Variants in TTBK2 observed in about 807,000 individuals in gnomAD.
The protein encoded by TTBK2 is tau-tubulin kinase 2.
TTBK2 carries 28 observed loss-of-function variants against 110.8 expected under a neutral mutation model. That is an observed-to-expected ratio of 0.25 (90% CI 0.19 to 0.35). TTBK2 has a LOEUF of 0.35. Among genes scored for constraint, TTBK2 ranks in the 10% least tolerant of loss-of-function variants. The probability of loss-of-function intolerance (pLI) is 1.00; values close to 1 mark genes in which losing one functional copy is unlikely to be tolerated. For synonymous variants in TTBK2, 532 were observed against 527.3 expected (o/e 1.01, Z -0.12); for missense variants, 1,369 against 1,500.3 (o/e 0.91, Z 1.45).
At chr15:42,849,030 T>A (rs1449382529) in intron 3 of TTBK2, among the ~76,000 whole-genome samples, 1 of 152,216 alleles carries the variant, frequency 6.6e-6, no homozygotes, top group Non-Finnish European at 1.5e-5. Flanking sequence ...TTTCCTCCTT[T>A]TCAGCCTGTA....
At chr15:42,796,666 T>C (rs972682720) in intron 9 of TTBK2, among the ~76,000 whole-genome samples, 3 of 152,232 alleles carry the variant, frequency 2.0e-5, no homozygotes, top group African/African-American at 7.2e-5. Context: ...TGTATAGTTA[T>C]TTCTGTATTT....
At chr15:42,782,186 C>T (rs538779055) in intron 11 of TTBK2, among the ~76,000 whole-genome samples, 3 of 152,292 alleles carry the variant, frequency 2.0e-5, no homozygotes, top group South Asian at 4.1e-4. Flanking sequence ...ATTCTCCTGC[C>T]TCAGCTTCCC....
chr15:42,852,038 A>C (rs1261574960), intron 3 of TTBK2, among the ~76,000 whole-genome samples: 1 of 151,996 alleles, frequency 6.6e-6, no homozygotes, highest in Non-Finnish European at 1.5e-5. Context: ...TCAAACAAGT[A>C]GTATAGATGT....
intron 7 of TTBK2, among the ~76,000 whole-genome samples, chr15:42,815,962 TA>T (rs1891972596): frequency 9.6e-6 from 1 of 103,650 alleles, no homozygotes; most frequent in Non-Finnish European, 1.8e-5. Context: ...AAAAAAAATA[TA>T]TATATATATA....
At chr15:42,903,279 A>G (rs1236500013) in intron 1 of TTBK2, among the ~76,000 whole-genome samples, 1 of 152,202 alleles carries the variant, frequency 6.6e-6, no homozygotes, top group Non-Finnish European at 1.5e-5. Flanking sequence ...GTGAGGAGGT[A>G]TTGAAAATTA....
intron 13 of TTBK2, among the ~76,000 whole-genome samples, chr15:42,760,726 G>C (rs1210784966): frequency 6.6e-6 from 1 of 152,164 alleles, no homozygotes; most frequent in South Asian, 2.1e-4. Flanking sequence ...TGTATTGGAA[G>C]AATTAATATT....
At chr15:42,802,092 G>A in intron 9 of TTBK2, 1 of 1,451,820 alleles carries the variant, frequency 6.9e-7, no homozygotes, top group African/African-American at 1.4e-5. Flanking sequence ...ACCGTACCTT[G>A]TCTATGAAGG....
intron 6 of TTBK2, among the ~76,000 whole-genome samples, chr15:42,827,711 T>C (rs1423713476): frequency 6.6e-6 from 1 of 152,192 alleles, no homozygotes; most frequent in African/African-American, 2.4e-5. Flanking sequence ...GTGTTCTTAC[T>C]ATAAGACCAC....
At chr15:42,761,209 G>C (rs1039338598) in intron 13 of TTBK2, among the ~76,000 whole-genome samples, 17 of 152,088 alleles carry the variant, frequency 1.1e-4, no homozygotes, top group African/African-American at 3.4e-4. Flanking sequence ...CTAAATGCAA[G>C]GCCTGAAACT....
chr15:42,840,318 C>T, intron 4 of TTBK2, 42 bp downstream of exon 4: 1 of 1,533,360 alleles, frequency 6.5e-7, no homozygotes, highest in Non-Finnish European at 9.0e-7. Flanking sequence ...ATACTTTGAT[C>T]AAAACTGAAG....
chr15:42,838,188 T>C (rs944857498), intron 4 of TTBK2, among the ~76,000 whole-genome samples: 1 of 151,738 alleles, frequency 6.6e-6, no homozygotes, highest in South Asian at 2.1e-4. Context: ...GCCTGGGTGA[T>C]AGAGCGAGAC....
rs1221740966 is a variant in TTBK2, at chr15:42,820,956, C to A, written c.538-3859G>T. ...CCCCCAGCTATTTAGGAGGATGTGG[C>A]AGGAGGACTGCTGAGCCATGGCTGT... On this transcript the variant is annotated intron_variant, in intron 6 of 14. Coordinates refer to ENST00000267890, the MANE Select transcript of TTBK2 (RefSeq NM_173500.4). Among the ~76,000 whole-genome samples the A allele has an allele frequency of 2.0e-5, 3 of 151,908 alleles. No homozygotes were observed. The East Asian group carries it at 5.8e-4, about 29-fold the overall frequency.
chr15:42,755,097 A>G (rs1314928438), intron 13 of TTBK2, among the ~76,000 whole-genome samples: 1 of 152,016 alleles, frequency 6.6e-6, no homozygotes, highest in Non-Finnish European at 1.5e-5. Context: ...TTCTATATGA[A>G]TAAGATTCAA....
chr15:42,869,443 C>T (rs1894523051), intron 3 of TTBK2, among the ~76,000 whole-genome samples: 1 of 146,974 alleles, frequency 6.8e-6, no homozygotes, highest in African/African-American at 2.5e-5. Flanking sequence ...TGAGATACAG[C>T]ATAAGAGATC....
intron 14 of TTBK2, among the ~76,000 whole-genome samples, chr15:42,748,629 T>G (rs1355703736): frequency 6.6e-6 from 1 of 151,848 alleles, no homozygotes; most frequent in Non-Finnish European, 1.5e-5. Flanking sequence ...CCCAGGCTGG[T>G]CTCAAACTCC....
At chr15:42,786,257 T>C (rs940909310) in intron 10 of TTBK2, among the ~76,000 whole-genome samples, 8 of 152,198 alleles carry the variant, frequency 5.3e-5, no homozygotes, top group African/African-American at 1.4e-4. Context: ...AGATTTATTA[T>C]AGAGATAATT....
At chr15:42,803,249 C>T (rs904090813) in intron 9 of TTBK2, among the ~76,000 whole-genome samples, 4 of 152,024 alleles carry the variant, frequency 2.6e-5, no homozygotes, top group East Asian at 3.9e-4. Flanking sequence ...ATCTGTGTAG[C>T]GTGTTATTGT....
chr15:42,898,104 T>C (rs963632277), intron 1 of TTBK2, among the ~76,000 whole-genome samples: 9 of 152,138 alleles, frequency 5.9e-5, no homozygotes, highest in Non-Finnish European at 1.0e-4. Flanking sequence ...GCCAGGGATG[T>C]CGAGGCTAAC....
chr15:42,810,548 A>T, intron 9 of TTBK2, 66 bp downstream of exon 9: 12 of 1,596,476 alleles, frequency 7.5e-6, no homozygotes, highest in Non-Finnish European at 1.0e-5. Flanking sequence ...CTTCAAAGCT[A>T]CAATGAGTGA....
Sources: gnomAD v4.1 joint callset for allele counts (sites outside exome capture counted in the v4.1 genomes callset) on GRCh38, gnomAD v4.1.1 for gene constraint, MANE v1.5 for transcripts, NCBI Gene and HGNC (gene_info 2026-07-23, HGNC 2026-07-21) for gene names.